Variants in WDFY4 observed in about 807,000 individuals in gnomAD.
WDFY4 encodes WDFY family member 4, also known as WD repeat- and FYVE domain-containing protein 4.
Under a neutral mutation model 351.9 loss-of-function variants are expected in WDFY4, and 169 were observed. The observed-to-expected ratio is 0.48, with a 90% CI of 0.42 to 0.55. The LOEUF is 0.55. WDFY4 is among the 20% of genes least tolerant of loss of function. WDFY4 has a pLI of 0.00. For missense variants in WDFY4, 3,803 were observed against 3,935.6 expected (o/e 0.97, Z 0.90); for synonymous variants, 1,622 against 1,574.6 (o/e 1.03, Z -0.71).
chr10:48,961,297 A>G (rs1841849185), intron 53 of WDFY4, among the ~76,000 whole-genome samples: 1 of 152,234 alleles, frequency 6.6e-6, no homozygotes, highest in African/African-American at 2.4e-5. Context: ...GTCTGATAAA[A>G]GACAGAGGTA....
chr10:48,974,515 A>AAAAAAAAAAAAAAAAC lies in WDFY4; in HGVS notation c.8929-333_8929-332insACAAAAAAAAAAAAAA. Among the ~76,000 whole-genome samples the AAAAAAAAAAAAAAAAC allele has an allele frequency of 3.3e-4, 7 of 20,918 alleles. 2 individuals are homozygous for AAAAAAAAAAAAAAAAC. The highest frequency in any genetic ancestry group is 1.0e-3 in the Admixed American group (1 of 1,004). The allele number at this position is 20,918 out of a possible 152,430, so 13.7% of individuals were successfully genotyped here. A position where few individuals can be genotyped will look rare whatever the true frequency, so the allele number is the denominator to read the frequency against. ...AAGACTCCGTCTCAAAAAAAAAAAAAAAAAAAAAAAAAAACAACTCATGAC... is the reference window on the plus strand; with the variant it reads ...AAGACTCCGTCTCAAAAAAAAAAAAAAAAAAAAAAAAAAAACAAAAAAAAAAAAAACAACTCATGAC... On this transcript the variant is annotated intron_variant, in intron 57 of 61. Coordinates refer to ENST00000325239, the MANE Select transcript of WDFY4 (RefSeq NM_001394531.1).
At chr10:48,700,042 T>G (rs1027525109) in intron 1 of WDFY4, among the ~76,000 whole-genome samples, 72 of 152,368 alleles carry the variant, frequency 4.7e-4, no homozygotes, top group Non-Finnish European at 7.5e-4. Flanking sequence ...GTTCAGGTGA[T>G]GCTGATGCAT....
In WDFY4 at chr10:48,774,464, G is replaced by A. The variant is rs748137187; in HGVS notation, c.2560G>A (p.Glu854Lys). Residue 854 changes from glutamate (E) to lysine (K), a missense_variant, in exon 14 of 62, where the codon GAG becomes AAG. This residue lies in a region of WDFY4 where 3,054 missense variants were observed against 3,148.6 expected (regional missense o/e 0.97). Transcript: ENST00000325239. ...LYHEDHPQLS[E>K]EIQCSLASHI... ...TTGCTTTGGTCACTCTTAGCTTTCC[G>A]AGGAGATCCAGTGCTCCCTGGCCAG... The A allele has an allele frequency of 1.8e-5, 28 of 1,551,606 alleles. No homozygotes were observed. The highest frequency in any genetic ancestry group is 3.3e-4 in the Middle Eastern group (2 of 5,996).
chr10:48,696,746 A>AT (rs2063341853), intron 1 of WDFY4, among the ~76,000 whole-genome samples: 1 of 152,240 alleles, frequency 6.6e-6, no homozygotes, highest in Non-Finnish European at 1.5e-5. Context: ...GGAAGTGCAG[A>AT]TTTTAAGAGC....
intron 47 of WDFY4, among the ~76,000 whole-genome samples, chr10:48,933,827 T>C (rs1840182221): frequency 6.6e-6 from 1 of 152,102 alleles, no homozygotes; most frequent in South Asian, 2.1e-4. Context: ...GGAAACATCA[T>C]CTAGCTTTCA....
intron 19 of WDFY4, among the ~76,000 whole-genome samples, chr10:48,780,555 G>T (rs1340399870): frequency 6.6e-6 from 1 of 152,228 alleles, no homozygotes; most frequent in African/African-American, 2.4e-5. Flanking sequence ...GGACACTAGA[G>T]TGGGCAGACA....
chr10:48,810,050 C>CT (rs141701503), intron 28 of WDFY4, among the ~76,000 whole-genome samples: 6 of 151,640 alleles, frequency 4.0e-5, no homozygotes, highest in Admixed American at 1.3e-4. Flanking sequence ...AATCATGTTT[C>CT]TTTTTTTTTG....
chr10:48,827,487 C>CAG (rs2068045138), intron 36 of WDFY4, among the ~76,000 whole-genome samples: 1 of 146,652 alleles, frequency 6.8e-6, no homozygotes, highest in Non-Finnish European at 1.5e-5. Context: ...CACACTGACA[C>CAG]AGAGAGAGAG....
chr10:48,800,795 C>G (rs959434218), intron 24 of WDFY4, among the ~76,000 whole-genome samples: 1 of 144,114 alleles, frequency 6.9e-6, no homozygotes, highest in African/African-American at 2.6e-5. Context: ...GGCAGTGGTG[C>G]GATCTCAGCT....
At chr10:48,982,047 G>A (rs796130755) in intron 61 of WDFY4, among the ~76,000 whole-genome samples, 7 of 152,328 alleles carry the variant, frequency 4.6e-5, no homozygotes, top group African/African-American at 1.7e-4. Flanking sequence ...CCTCACTGGC[G>A]TGGCGTGGGC....
At chr10:48,855,054 C>CA (rs201390526) in intron 39 of WDFY4, among the ~76,000 whole-genome samples, 1,632 of 151,360 alleles carry the variant, frequency 0.011, 27 homozygotes, top group African/African-American at 0.037. Flanking sequence ...AAATTGCAAA[C>CA]AAAAAAAATG....
Position 48,974,527 on chromosome 10 carries a change from A to AAAAAAAAAAAACAAACAAAACAAC in WDFY4, c.8929-333_8929-332insAAAAAAAAACAAACAAAACAACAA. Among the ~76,000 whole-genome samples the AAAAAAAAAAAACAAACAAAACAAC allele has an allele frequency of 4.7e-4, 11 of 23,194 alleles. 2 individuals are homozygous for AAAAAAAAAAAACAAACAAAACAAC. Among genetic ancestry groups the AAAAAAAAAAAACAAACAAAACAAC allele is most frequent in the Non-Finnish European group, 1.9e-3 (10 of 5,346 alleles). The allele number at this position is 23,194 out of a possible 152,430, so 15.2% of individuals were successfully genotyped here. A position where few individuals can be genotyped will look rare whatever the true frequency, so the allele number is the denominator to read the frequency against. ...CAAAAAAAAAAAAAAAAAAAAAAAA[A>AAAAAAAAAAAACAAACAAAACAAC]AACAACTCATGACATGAACTGCTCC... On this transcript the variant is annotated intron_variant, in intron 57 of 61. Transcript: ENST00000325239.
intron 47 of WDFY4, among the ~76,000 whole-genome samples, chr10:48,933,522 G>A (rs1840160418): frequency 6.6e-6 from 1 of 152,198 alleles, no homozygotes; most frequent in African/African-American, 2.4e-5. Context: ...ATCATGTTCT[G>A]CAGATGCTGG....
intron 12 of WDFY4, chr10:48,745,446 T>C (rs1164370581): frequency 4.0e-6 from 1 of 250,462 alleles, no homozygotes; most frequent in Non-Finnish European, 7.8e-6. Context: ...ATTTGTCAAT[T>C]GTTTCATTCA....
rs183801534 is a variant in WDFY4 at position 48,974,358 on chromosome 10, G to A, written c.8929-504G>A. Among the ~76,000 whole-genome samples, 40 of 151,852 alleles carry A rather than the reference G, an allele frequency of 2.6e-4. 1 individual carries two copies. The East Asian group carries it at 5.8e-3, about 22-fold the overall frequency. ...TCTCCACTAAAAATAAAAAACATTC[G>A]CCAGGCATGGTGGCAGGCACCTGTA... On this transcript the variant is annotated intron_variant, in intron 57 of 61. Coordinates refer to ENST00000325239, the MANE Select transcript of WDFY4 (RefSeq NM_001394531.1).
chr10:48,871,097 C>A lies in WDFY4; in HGVS notation c.6742-2394C>A, dbSNP rs555306230. The stretch of plus-strand genomic sequence containing the variant: ...TACAGGCACCTGCCACCACGCCTAG[C>A]TAATTTTTTTGTATTTTTTAGAAGA... On this transcript the variant is annotated intron_variant, in intron 40 of 61. Transcript: ENST00000325239. Among the ~76,000 whole-genome samples the A allele has an allele frequency of 2.0e-5, 3 of 152,242 alleles. 1 individual carries two copies. In the South Asian group the frequency reaches 6.2e-4, roughly 32 times the overall value.
intron 45 of WDFY4, among the ~76,000 whole-genome samples, chr10:48,899,895 G>A (rs780320701): frequency 1.3e-5 from 2 of 152,112 alleles, no homozygotes; most frequent in Non-Finnish European, 2.9e-5. Flanking sequence ...GCTCACCCAT[G>A]CCATAACTCA....
intron 13 of WDFY4, among the ~76,000 whole-genome samples, chr10:48,765,813 A>G (rs10508908): frequency 0.45 from 68,405 of 151,974 alleles, 15,586 homozygotes; most frequent in Middle Eastern, 0.58. Flanking sequence ...TCTGCATCTC[A>G]CGTTATTTTT....
At chr10:48,699,622 C>T (rs2132135790) in intron 1 of WDFY4, among the ~76,000 whole-genome samples, 1 of 152,300 alleles carries the variant, frequency 6.6e-6, no homozygotes, top group South Asian at 2.1e-4. Flanking sequence ...CCCTAATGTC[C>T]ACGTCTTGGA....
Sources: gnomAD v4.1 joint callset for allele counts (sites outside exome capture counted in the v4.1 genomes callset) on GRCh38, gnomAD v4.1.1 for gene constraint, gnomAD v4.1.1 regional missense constraint, MANE v1.5 for transcripts, NCBI Gene and HGNC (gene_info 2026-07-23, HGNC 2026-07-21) for gene names.